RETSAT: variants seen among roughly 807,000 people sequenced by gnomAD.
RETSAT encodes the protein all-trans-retinol 13,14-reductase.
Under a neutral mutation model 61.6 loss-of-function variants are expected in RETSAT, and 35 were observed. The ratio of observed to expected loss-of-function variants is 0.57; its 90% CI spans 0.43 to 0.75. The LOEUF is 0.75. Ranked by LOEUF, RETSAT falls within the 30% of genes least tolerant of loss-of-function variation. The probability of loss-of-function intolerance (pLI) is 0.00; values close to 1 mark genes in which losing one functional copy is unlikely to be tolerated. For missense variants in RETSAT, 670 were observed against 759.5 expected (o/e 0.88, Z 1.38); for synonymous variants, 277 against 310.4 (o/e 0.89, Z 1.13).
Position 85,354,462 on chromosome 2 carries a change from C to A in RETSAT, c.46G>T (p.Val16Phe). 6.2e-7 allele frequency: 1 copy of A among 1,613,916 alleles called. No homozygotes were observed. Among genetic ancestry groups the A allele is most frequent in the Non-Finnish European group, 8.5e-7 (1 of 1,179,904 alleles). The change falls in exon 1 of 11, where the codon GTC (valine) becomes TTC (phenylalanine). Residue 16 changes from valine to phenylalanine, a missense_variant. Physicochemically the swap from Val to Phe is conservative, Grantham distance 50. Coordinates refer to ENST00000295802, the MANE Select transcript of RETSAT (RefSeq NM_017750.4). ...AGTCCCAAGTAAACTTTGCAGAGGACGGCCAGCAGCAGCACAGCCAGGAGC... is the reference window on the plus strand; with the variant it reads ...AGTCCCAAGTAAACTTTGCAGAGGAAGGCCAGCAGCAGCACAGCCAGGAGC... ...VLLLAVLLLAVLCKVYLGLFS... is the reference protein window; with the variant it reads ...VLLLAVLLLAFLCKVYLGLFS...
chr2:85,346,134 G>T (rs752411672), intron 5 of RETSAT, 40 bp from the exon 6 acceptor site: 8 of 1,588,164 alleles, frequency 5.0e-6, no homozygotes, highest in African/African-American at 1.3e-5. Flanking sequence ...TGTGAGCTCT[G>T]GGATGAAGAG....
chr2:85,345,445 C>T (rs901912307), intron 6 of RETSAT: 1 of 247,488 alleles, frequency 4.0e-6, no homozygotes, highest in African/African-American at 2.2e-5. Context: ...ATACCATATC[C>T]GGAGCTACTC....
rs987565836 is a variant in RETSAT at position 85,351,009 on chromosome 2, A to T, written c.368T>A (p.Ile123Asn). 6.2e-7 allele frequency: 1 copy of T among 1,614,102 alleles called. No individual in the cohort carries two copies. The highest frequency in any genetic ancestry group is 8.5e-7 in the Non-Finnish European group (1 of 1,180,016). Residue 123 changes from isoleucine (I) to asparagine (N), a missense_variant, in exon 3 of 11, where the codon ATT becomes AAT. Physicochemically the swap from Ile to Asn is moderately radical, Grantham distance 149. Transcript: ENST00000295802. Reference sequence around the variant, plus strand: ...AATGCTGCCCTCTTCCATACGCCCAATGTAATGGATTCCTGTTGGGAGATG... The same window carrying T: ...AATGCTGCCCTCTTCCATACGCCCATTGTAATGGATTCCTGTTGGGAGATG... ...GLEFDTGIHY[I>N]GRMEEGSIGR...
chr2:85,347,502 C>T (rs989628765), intron 5 of RETSAT, among the ~76,000 whole-genome samples: 1 of 152,084 alleles, frequency 6.6e-6, no homozygotes. Flanking sequence ...GCTGGGATTA[C>T]AGGCGTGAGC....
Position 85,344,689 on chromosome 2 carries a change from C to T in RETSAT, c.1161G>A (p.Met387Ile), listed in dbSNP as rs968451006. Residue 387 changes from methionine to isoleucine, a missense_variant, in exon 7 of 11, where the codon ATG becomes ATA. Physicochemically the swap from Met to Ile is conservative, Grantham distance 10. Transcript: ENST00000295802. ...QLGTVRPGLGMTSVFICLRGT... is the reference protein window; with the variant it reads ...QLGTVRPGLGITSVFICLRGT... ...CTCGCAGGCAGATGAAAACAGAGGT[C>T]ATGCCTAAGCCGGGCCGCACCGTCC... 3 of 1,614,074 alleles carry T rather than the reference C, an allele frequency of 1.9e-6. No individual in the cohort carries two copies. In the African/African-American group the frequency reaches 4.0e-5, roughly 22 times the overall value.
chr2:85,352,809 C>T (rs1379129927), intron 1 of RETSAT, among the ~76,000 whole-genome samples: 1 of 152,172 alleles, frequency 6.6e-6, no homozygotes, highest in African/African-American at 2.4e-5. Flanking sequence ...GGCTGCAGCT[C>T]TGAGAAATCA....
Position 85,342,830 on chromosome 2 carries a change from T to C in RETSAT, c.*412A>G, listed in dbSNP as rs1055412809. The C allele has an allele frequency of 2.3e-5, 4 of 172,390 alleles. No homozygotes were observed. The highest frequency in any genetic ancestry group is 3.7e-5 in the Non-Finnish European group (3 of 81,384). The allele number at this position is 172,390 out of a possible 1,614,324, so 10.7% of individuals were successfully genotyped here. On this transcript the variant is annotated 3_prime_UTR_variant, in exon 11 of 11. Coordinates refer to ENST00000295802, the MANE Select transcript of RETSAT (RefSeq NM_017750.4). ...TAGAACTGTGCAGCGTAGCACTAAA[T>C]GAATGAGAGCAGAAGCCTCAGGACA...
intron 5 of RETSAT, 134 bp from the exon 6 acceptor site, chr2:85,346,228 G>A (rs1171579218): frequency 8.4e-7 from 1 of 1,186,916 alleles, no homozygotes; most frequent in Admixed American, 2.3e-5. Context: ...CTCAGGCAGG[G>A]CAGGCCCCTG....
intron 1 of RETSAT, among the ~76,000 whole-genome samples, chr2:85,352,492 C>T (rs904474689): frequency 6.6e-6 from 1 of 152,032 alleles, no homozygotes; most frequent in Non-Finnish European, 1.5e-5. Context: ...CCTCGTGATC[C>T]GCCTGCCTCG....
chr2:85,351,194 C>A (rs1683293293), intron 2 of RETSAT, among the ~76,000 whole-genome samples, 173 bp from the exon 3 acceptor site: 1 of 152,092 alleles, frequency 6.6e-6, no homozygotes, highest in African/African-American at 2.4e-5. Flanking sequence ...CAGATCGCTG[C>A]CCGATTCAAC....
intron 5 of RETSAT, among the ~76,000 whole-genome samples, chr2:85,347,819 A>C (rs1683226604): frequency 6.6e-6 from 1 of 152,200 alleles, no homozygotes; most frequent in Admixed American, 6.5e-5. Context: ...TGCCCAACCA[A>C]CAGCCACCTC....
rs539290704 is a variant in RETSAT, at chr2:85,354,059, G to A, written c.172+277C>T. On this transcript the variant is annotated intron_variant, in intron 1 of 10. Coordinates refer to ENST00000295802, the MANE Select transcript of RETSAT (RefSeq NM_017750.4). ...GGGATTATCAGTTCCACGAGCCACG[G>A]GGATTACAAGTGGCAGGGCGGGTGC... is the stretch of plus-strand genomic sequence containing the variant. Among the ~76,000 whole-genome samples the A allele has an allele frequency of 2.7e-5, 4 of 150,082 alleles. 1 individual carries two copies. The highest frequency in any genetic ancestry group is 7.4e-3 in the Middle Eastern group (2 of 272).
intron 5 of RETSAT, among the ~76,000 whole-genome samples, chr2:85,348,853 C>A (rs1344177858): frequency 6.7e-6 from 1 of 150,268 alleles, no homozygotes; most frequent in Non-Finnish European, 1.5e-5. Flanking sequence ...TGGGTTCAAG[C>A]AATTCTTCCG....
chr2:85,348,630 C>CAAAAAAAA (rs11400450), intron 5 of RETSAT, among the ~76,000 whole-genome samples: 1 of 43,884 alleles, frequency 2.3e-5, no homozygotes, highest in African/African-American at 6.3e-5. Context: ...GACTCCAACT[C>CAAAAAAAA]AAAAAAAAAA....
chr2:85,350,290 A>G, intron 3 of RETSAT, 49 bp from the exon 4 acceptor site: 2 of 1,400,894 alleles, frequency 1.4e-6, no homozygotes, highest in Non-Finnish European at 2.0e-6. Flanking sequence ...AACCGCTTTG[A>G]CAGAACTGCT....
chr2:85,347,569 T>C (rs1050760522), intron 5 of RETSAT, among the ~76,000 whole-genome samples: 1 of 152,084 alleles, frequency 6.6e-6, no homozygotes, highest in African/African-American at 2.4e-5. Context: ...GGTTTCACTA[T>C]GTTGGCCAGG....
intron 6 of RETSAT, 139 bp from the exon 7 acceptor site, chr2:85,344,871 T>A: frequency 1.1e-6 from 1 of 888,756 alleles, no homozygotes; most frequent in Non-Finnish European, 1.7e-6. Flanking sequence ...TTCCTTCATT[T>A]AACTAAATAT....
In RETSAT at chr2:85,354,436, TAGTCCCA is replaced by T. The variant is rs1265949465; in HGVS notation, c.65_71del (p.Leu22TyrfsTer22). The T allele has an allele frequency of 5.6e-6, 9 of 1,614,086 alleles. No individual in the cohort carries two copies. The highest frequency in any genetic ancestry group is 1.7e-5 in the Admixed American group (1 of 60,010). ...AAGGATTCGGGGAGCTGCCAGAGAATAGTCCCAAGTAAACTTTGCAGAGGACGGCCAG... is the reference window on the plus strand; with the variant it reads ...AAGGATTCGGGGAGCTGCCAGAGAATAGTAAACTTTGCAGAGGACGGCCAG... On this transcript the variant is annotated frameshift_variant, in exon 1 of 11. Coordinates refer to ENST00000295802, the MANE Select transcript of RETSAT (RefSeq NM_017750.4). LOFTEE classifies it high-confidence loss of function.
rs756387861 is a variant in RETSAT at position 85,351,723 on chromosome 2, G to A, written c.312C>T (p.Gly104=). 1 of 1,614,134 alleles carries A rather than the reference G, an allele frequency of 6.2e-7. No homozygotes were observed. The highest frequency in any genetic ancestry group is 8.5e-7 in the Non-Finnish European group (1 of 1,180,026). Reference sequence around the variant, plus strand: ...CATTCTTTCCAAAGGTATGACAGCAGCCCCCTGCCTTGGTATGTTGTTCCA... The same window carrying A: ...CATTCTTTCCAAAGGTATGACAGCAACCCCCTGCCTTGGTATGTTGTTCCA... ...LVLEQHTKAG[G]CCHTFGKNGL... is the part of the protein sequence containing the mutation. The change falls in exon 2 of 11, where the codon GGC becomes GGT. Residue 104 remains glycine (G), a synonymous_variant. Transcript: ENST00000295802.
Sources: allele counts gnomAD v4.1 joint callset (sites outside exome capture counted in the v4.1 genomes callset), GRCh38; gene constraint gnomAD v4.1.1; transcripts MANE v1.5; gene names NCBI Gene and HGNC (gene_info 2026-07-23, HGNC 2026-07-21).